Variants in OTOGL observed in about 807,000 individuals in gnomAD.
OTOGL encodes otogelin-like protein.
OTOGL carries 285 observed loss-of-function variants against 318.5 expected under a neutral mutation model. That is an observed-to-expected ratio of 0.89 (90% CI 0.81 to 0.99). The LOEUF (loss-of-function observed/expected upper bound fraction) is 0.99, where lower values mean the gene tolerates loss of function less well. Among genes scored for constraint, OTOGL ranks in the 50% least tolerant of loss-of-function variants. OTOGL has a pLI of 0.00. For synonymous variants in OTOGL, 987 were observed against 936.5 expected, an observed-to-expected ratio of 1.05 and a Z score of -0.99; for missense variants, 2,899 against 2,845.6, an observed-to-expected ratio of 1.02 and a Z score of -0.43.
intron 44 of OTOGL, among the ~76,000 whole-genome samples, chr12:80,345,243 T>A (rs1180927740): frequency 1.4e-5 from 2 of 142,756 alleles, no homozygotes; most frequent in Non-Finnish European, 3.0e-5. Flanking sequence ...ATATATATTT[T>A]TTTGAAGAGT....
At chr12:80,333,493 G>C in intron 38 of OTOGL, among the ~76,000 whole-genome samples, 1 of 151,840 alleles carries the variant, frequency 6.6e-6, no homozygotes, top group East Asian at 1.9e-4. Flanking sequence ...GTTGGGCAGA[G>C]ATCTTCTTAT....
chr12:80,222,338 C>A, intron 7 of OTOGL, 93 bp downstream of exon 7: 1 of 1,208,146 alleles, frequency 8.3e-7, no homozygotes, highest in Non-Finnish European at 1.1e-6. Context: ...AAAATATATA[C>A]TAATAATAGA....
chr12:80,378,085 C>T lies in OTOGL; in HGVS notation c.*37C>T, dbSNP rs774548484. ...CCAAGAGCTCTATACAACATCATAA[C>T]GTCAGATAGAATTAACTTTTATTGC... On this transcript the variant is annotated 3_prime_UTR_variant, in exon 59 of 59. Coordinates refer to ENST00000547103, the MANE Select transcript of OTOGL (RefSeq NM_001378609.3). 1.1e-5 allele frequency: 16 copies of T among 1,423,622 alleles called. No homozygotes were observed. The highest frequency in any genetic ancestry group is 3.5e-4 in the Middle Eastern group (2 of 5,674). 88.2% of individuals were successfully genotyped at this position (1,423,622 alleles called of 1,614,324 possible). A position where few individuals can be genotyped will look rare whatever the true frequency, so the allele number is the denominator to read the frequency against.
chr12:80,199,530 A>G (rs1876314625), intron 1 of OTOGL, among the ~76,000 whole-genome samples: 1 of 152,224 alleles, frequency 6.6e-6, no homozygotes, highest in Non-Finnish European at 1.5e-5. Flanking sequence ...TCTGCTTATC[A>G]ATGGAATAAT....
At chr12:80,219,542 C>T (rs993709319) in intron 5 of OTOGL, among the ~76,000 whole-genome samples, 1 of 152,186 alleles carries the variant, frequency 6.6e-6, no homozygotes, top group African/African-American at 2.4e-5. Context: ...TACATGGGAA[C>T]TTGACCTTTG....
chr12:80,317,038 A>G (rs1438300616), intron 32 of OTOGL, among the ~76,000 whole-genome samples: 3 of 152,198 alleles, frequency 2.0e-5, no homozygotes, highest in Non-Finnish European at 4.4e-5. Context: ...AGATTATTTC[A>G]ATAATCTTTA....
At chr12:80,299,063 T>A (rs1885592169) in intron 27 of OTOGL, among the ~76,000 whole-genome samples, 1 of 152,194 alleles carries the variant, frequency 6.6e-6, no homozygotes, top group African/African-American at 2.4e-5. Context: ...CTTCAGTAAT[T>A]GGAACGGCTG....
chr12:80,199,935 T>C (rs1263488265), intron 1 of OTOGL, among the ~76,000 whole-genome samples: 2 of 152,336 alleles, frequency 1.3e-5, no homozygotes, highest in South Asian at 2.1e-4. Context: ...CTTTGTATCA[T>C]CTGAACTTTT....
At chr12:80,108,623 G>T (rs1869598002) in intron 1 of OTOGL, among the ~76,000 whole-genome samples, 1 of 151,032 alleles carries the variant, frequency 6.6e-6, no homozygotes, top group South Asian at 2.1e-4. Flanking sequence ...ATCCATTGAT[G>T]ACTTTTGCTT....
chr12:80,239,071 A>T (rs1483954987), intron 10 of OTOGL, 93 bp downstream of exon 10: 1 of 1,326,804 alleles, frequency 7.5e-7, no homozygotes, highest in Non-Finnish European at 9.9e-7. Flanking sequence ...TGTAAACACA[A>T]CATAATTTAA....
chr12:80,217,495 A>G, intron 4 of OTOGL, 103 bp from the exon 5 acceptor site: 1 of 799,638 alleles, frequency 1.3e-6, no homozygotes, highest in South Asian at 1.7e-5. Context: ...TCAGCACTTT[A>G]TCATTTCTGT....
At chr12:80,163,094 T>C (rs377758181) in intron 1 of OTOGL, among the ~76,000 whole-genome samples, 3 of 152,230 alleles carry the variant, frequency 2.0e-5, no homozygotes, top group African/African-American at 4.8e-5. Flanking sequence ...GCAATAACTT[T>C]TTAAAAAAAA....
At chr12:80,363,064 G>T (rs79478373) in intron 52 of OTOGL, among the ~76,000 whole-genome samples, 4,895 of 152,158 alleles carry the variant, frequency 0.032, 170 homozygotes, top group Admixed American at 0.1. Context: ...TGATCCTCCC[G>T]CCTTGGCCTC....
At chr12:80,180,553 A>G (rs1874849459) in intron 1 of OTOGL, among the ~76,000 whole-genome samples, 1 of 152,214 alleles carries the variant, frequency 6.6e-6, no homozygotes, top group Admixed American at 6.5e-5. Flanking sequence ...TAAACAGAGA[A>G]AGGAGCCTTT....
intron 16 of OTOGL, among the ~76,000 whole-genome samples, chr12:80,256,001 C>T (rs1882001889): frequency 1.3e-5 from 2 of 151,554 alleles, no homozygotes; most frequent in Non-Finnish European, 2.9e-5. Flanking sequence ...ACTTTATATG[C>T]CATGGAAAAC....
At chr12:80,357,893 T>A (rs1890009119) in intron 49 of OTOGL, among the ~76,000 whole-genome samples, 1 of 152,130 alleles carries the variant, frequency 6.6e-6, no homozygotes, top group Non-Finnish European at 1.5e-5. Flanking sequence ...AACAAACGCC[T>A]ACTACATTTT....
At chr12:80,115,611 G>A (rs1268981313) in intron 1 of OTOGL, among the ~76,000 whole-genome samples, 2 of 152,228 alleles carry the variant, frequency 1.3e-5, no homozygotes, top group Non-Finnish European at 2.9e-5. Context: ...AGAGCCAGCA[G>A]TCAAGAACAT....
chr12:80,346,696 G>A (rs1166197041), intron 44 of OTOGL, among the ~76,000 whole-genome samples: 3 of 152,040 alleles, frequency 2.0e-5, no homozygotes, highest in Non-Finnish European at 4.4e-5. Flanking sequence ...TTATTTTAAA[G>A]CAAATCTACT....
chr12:80,286,164 A>G (rs932529283), intron 26 of OTOGL, among the ~76,000 whole-genome samples: 2 of 152,044 alleles, frequency 1.3e-5, no homozygotes, highest in Non-Finnish European at 2.9e-5. Flanking sequence ...GTTTTCTGTG[A>G]TGGATTAGAT....
Sources: allele counts gnomAD v4.1 joint callset (sites outside exome capture counted in the v4.1 genomes callset), GRCh38; gene constraint gnomAD v4.1.1; transcripts MANE v1.5; gene names NCBI Gene and HGNC (gene_info 2026-07-23, HGNC 2026-07-21).